Variants in HDAC4 observed in about 807,000 individuals in gnomAD.
HDAC4 encodes histone deacetylase A.
In HDAC4, 16 loss-of-function variants were observed where a neutral mutation model predicts 135.1. The observed-to-expected ratio is 0.12, with a 90% CI of 0.08 to 0.18. HDAC4 has a LOEUF of 0.18. Ranked by LOEUF, HDAC4 falls within the 10% of genes least tolerant of loss-of-function variation. HDAC4 has a pLI of 1.00. For synonymous variants in HDAC4, 685 were observed against 653.4 expected (o/e 1.05, Z -0.74); for missense variants, 1,143 against 1,511.8 (o/e 0.76, Z 4.05).
rs552840123 is a variant in HDAC4, at chr2:239,261,560, C to T, written c.23-24896G>A. The stretch of plus-strand genomic sequence containing the variant: ...CAAAAATGGGCATCTTACTAGCCTG[C>T]CAGCCAGCATGTAGACTTCCCAGGC... On this transcript the variant is annotated intron_variant, in intron 2 of 26. Coordinates refer to ENST00000543185, the MANE Select transcript of HDAC4 (RefSeq NM_001378414.1). Among the ~76,000 whole-genome samples the T allele has an allele frequency of 2.6e-5, 4 of 152,240 alleles. No individual in the cohort carries two copies. The South Asian group carries it at 8.3e-4, about 32-fold the overall frequency.
intron 4 of HDAC4, among the ~76,000 whole-genome samples, chr2:239,183,869 G>A (rs1439917769): frequency 6.6e-6 from 1 of 151,680 alleles, no homozygotes; most frequent in Non-Finnish European, 1.5e-5. Flanking sequence ...GTATTAAAGA[G>A]AATAAGGATC....
chr2:239,115,294 C>G lies in HDAC4; in HGVS notation c.1550G>C (p.Ser517Thr). The change falls in exon 13 of 27, where the codon AGC becomes ACC. Residue 517 changes from serine to threonine, a missense_variant. Physicochemically the swap from Ser to Thr is moderately conservative, Grantham distance 58. Coordinates refer to ENST00000543185, the MANE Select transcript of HDAC4 (RefSeq NM_001378414.1). This position sits in a 1 kb window ranked among gnomAD's most constrained non-coding sequence, Gnocchi z 6.3. ...LQMNKIIPKP[S>T]EPARQPESHP... ...GCTCTCCGGCTGCCGGGCTGGCTCG[C>G]TTGGCTTGGGGATGATCTGCAAGGC... 6.2e-7 allele frequency: 1 copy of G among 1,613,278 alleles called. No homozygotes were observed. Among genetic ancestry groups the G allele is most frequent in the Non-Finnish European group, 8.5e-7 (1 of 1,179,986 alleles).
chr2:239,108,290 G>T (rs970042686), intron 14 of HDAC4, 107 bp from the exon 15 acceptor site: 11 of 1,350,892 alleles, frequency 8.1e-6, no homozygotes, highest in Admixed American at 2.0e-5. Context: ...TCCCTAGAAG[G>T]AGACGGAAGC....
chr2:239,386,942 G>A (rs927071807), intron 1 of HDAC4, among the ~76,000 whole-genome samples: 1 of 152,242 alleles, frequency 6.6e-6, no homozygotes, highest in African/African-American at 2.4e-5. Context: ...GCGATCAGAG[G>A]TGAGTGGCTG....
At chr2:239,200,020 G>A (rs764169628) in intron 3 of HDAC4, among the ~76,000 whole-genome samples, 14 of 152,162 alleles carry the variant, frequency 9.2e-5, no homozygotes, top group Non-Finnish European at 1.6e-4. Context: ...TTACAGGCGT[G>A]AGCCACCGCG....
At chr2:239,249,517 A>G (rs868724208) in intron 2 of HDAC4, among the ~76,000 whole-genome samples, 1 of 152,334 alleles carries the variant, frequency 6.6e-6, no homozygotes, top group East Asian at 1.9e-4. Context: ...AAGAGAGCCA[A>G]TCACCATTTT....
chr2:239,292,138 G>A (rs573724868), intron 2 of HDAC4, among the ~76,000 whole-genome samples: 1 of 152,336 alleles, frequency 6.6e-6, no homozygotes, highest in South Asian at 2.1e-4. Flanking sequence ...GGCAAGGCAG[G>A]CAAGGGGACG....
intron 2 of HDAC4, among the ~76,000 whole-genome samples, chr2:239,316,378 T>G (rs1468720199): frequency 1.3e-5 from 2 of 152,054 alleles, no homozygotes; most frequent in African/African-American, 4.8e-5. Context: ...GGTGGGAAGA[T>G]CACTTGAGCC....
intron 12 of HDAC4, among the ~76,000 whole-genome samples, chr2:239,125,022 G>A (rs959133292): frequency 6.6e-6 from 1 of 151,856 alleles, no homozygotes; most frequent in African/African-American, 2.4e-5. Flanking sequence ...ACATTCCGGT[G>A]TGCCGGCGTG....
intron 1 of HDAC4, among the ~76,000 whole-genome samples, chr2:239,372,296 G>A (rs1314007836): frequency 6.6e-6 from 1 of 152,144 alleles, no homozygotes; most frequent in African/African-American, 2.4e-5. Context: ...TCATCCGACC[G>A]CTCCCCATCC....
At chr2:239,082,473 C>T (rs375183228) in intron 20 of HDAC4, among the ~76,000 whole-genome samples, 21 of 152,236 alleles carry the variant, frequency 1.4e-4, no homozygotes, top group African/African-American at 4.8e-4. Flanking sequence ...TCGCCCTTAG[C>T]GCCATGGCAC....
At chr2:239,318,730 G>A (rs2053203553) in intron 2 of HDAC4, among the ~76,000 whole-genome samples, 2 of 151,580 alleles carry the variant, frequency 1.3e-5, no homozygotes, top group Admixed American at 1.3e-4. Context: ...TAATTCTTTG[G>A]ACTATTTTTT....
At chr2:239,290,700 G>A (rs976815582) in intron 2 of HDAC4, among the ~76,000 whole-genome samples, 2 of 151,686 alleles carry the variant, frequency 1.3e-5, no homozygotes, top group East Asian at 1.9e-4. Flanking sequence ...GCACACACAC[G>A]CACGCACACA....
At chr2:239,247,910 G>T (rs370120574) in intron 2 of HDAC4, among the ~76,000 whole-genome samples, 4 of 152,150 alleles carry the variant, frequency 2.6e-5, no homozygotes, top group African/African-American at 2.4e-5. Context: ...TGAAAGCACC[G>T]CTCATTCTCT....
intron 3 of HDAC4, chr2:239,190,851 G>C (rs189224680): frequency 4.8e-6 from 2 of 413,240 alleles, no homozygotes; most frequent in Admixed American, 2.7e-5. Flanking sequence ...AATACCAAAT[G>C]AAAGTGAGAA....
At chr2:239,203,471 GAAACC>G (rs1337388369) in intron 3 of HDAC4, among the ~76,000 whole-genome samples, 5 of 152,186 alleles carry the variant, frequency 3.3e-5, no homozygotes, top group Non-Finnish European at 1.5e-5. Context: ...ATATAAGAAA[GAAACC>G]AAAGGACCTG....
intron 4 of HDAC4, among the ~76,000 whole-genome samples, chr2:239,180,218 C>G (rs2044057158): frequency 6.6e-6 from 1 of 152,150 alleles, no homozygotes. Flanking sequence ...AGCTCAGCCC[C>G]CGGGCACCCA....
At chr2:239,194,136 C>T (rs2045204982) in intron 3 of HDAC4, among the ~76,000 whole-genome samples, 1 of 152,188 alleles carries the variant, frequency 6.6e-6, no homozygotes, top group South Asian at 2.1e-4. Context: ...AGGAGATGCG[C>T]TCACTTGGAT....
chr2:239,179,520 A>T (rs2044003067), intron 4 of HDAC4, among the ~76,000 whole-genome samples: 1 of 152,140 alleles, frequency 6.6e-6, no homozygotes, highest in African/African-American at 2.4e-5. Context: ...AGGTGGTGGA[A>T]GTTTCATCCC....
Sources: allele counts gnomAD v4.1 joint callset (sites outside exome capture counted in the v4.1 genomes callset), GRCh38; gene constraint gnomAD v4.1.1; non-coding constraint Gnocchi (gnomAD v3.1); transcripts MANE v1.5; gene names NCBI Gene and HGNC (gene_info 2026-07-23, HGNC 2026-07-21).